The following PRKN variants were observed in gnomAD, a reference collection of about 807,000 sequenced individuals.
PRKN encodes the protein E3 ubiquitin-protein ligase parkin.
A neutral mutation model predicts 59.5 loss-of-function variants in PRKN; 56 were observed. The observed-to-expected ratio is 0.94, with a 90% CI of 0.76 to 1.18. PRKN has a LOEUF of 1.18. Ranked by LOEUF, PRKN falls within the 50% of genes most tolerant of loss-of-function variation. PRKN has a pLI of 0.00. For synonymous variants in PRKN, 250 were observed against 222.1 expected (o/e 1.13, Z -1.12); for missense variants, 657 against 596.4 (o/e 1.10, Z -1.06).
chr6:162,386,369 T>A (rs1247331189), intron 2 of PRKN, among the ~76,000 whole-genome samples: 1 of 152,234 alleles, frequency 6.6e-6, no homozygotes, highest in Non-Finnish European at 1.5e-5. Context: ...AAAATTAAAC[T>A]CATTTTTAAC....
chr6:162,707,354 C>A (rs1778373197), intron 1 of PRKN, among the ~76,000 whole-genome samples: 1 of 152,068 alleles, frequency 6.6e-6, no homozygotes, highest in Admixed American at 6.5e-5. Flanking sequence ...TAAATAATAA[C>A]TGATGATTCC....
intron 1 of PRKN, chr6:162,568,768 C>T (rs1203181040): frequency 1.3e-6 from 1 of 743,260 alleles, no homozygotes; most frequent in African/African-American, 1.7e-5. Flanking sequence ...CAGCCGGACA[C>T]TCTGGTCCAG....
chr6:161,373,106 G>A lies in PRKN; in HGVS notation c.1168-12901C>T, dbSNP rs1420880726. Among the ~76,000 whole-genome samples, 1 of 152,072 alleles carries A rather than the reference G, an allele frequency of 6.6e-6. No individual in the cohort carries two copies. Among genetic ancestry groups the A allele is most frequent in the Admixed American group, 6.6e-5 (1 of 15,256 alleles). ...GCTGCCGGTGTGAACCACCACACTC[G>A]GTAGGGCAGAATTTTTCTCTTCTCT... On this transcript the variant is annotated intron_variant, in intron 10 of 11. Coordinates refer to ENST00000366898, the MANE Select transcript of PRKN (RefSeq NM_004562.3). The surrounding 1 kb of genome is among the most constrained non-coding windows in gnomAD (Gnocchi z 4.8).
At chr6:161,678,568 A>AATTTT (rs562536578) in intron 7 of PRKN, among the ~76,000 whole-genome samples, 2 of 121,444 alleles carry the variant, frequency 1.6e-5, no homozygotes, top group African/African-American at 3.5e-5. Flanking sequence ...TTGGTGCCTG[A>AATTTT]TTTTTTTTTT....
chr6:161,909,577 C>A (rs1218995173), intron 6 of PRKN, among the ~76,000 whole-genome samples: 1 of 152,130 alleles, frequency 6.6e-6, no homozygotes, highest in Non-Finnish European at 1.5e-5. Context: ...AGGAACCGGA[C>A]ATGTATGAAA....
intron 6 of PRKN, among the ~76,000 whole-genome samples, chr6:161,967,245 C>A (rs1415820949): frequency 2.6e-5 from 4 of 151,722 alleles, no homozygotes; most frequent in Non-Finnish European, 4.4e-5. Context: ...TCTTATACAT[C>A]GGCCTACATG....
chr6:161,732,174 C>T (rs992363951), intron 7 of PRKN, among the ~76,000 whole-genome samples: 7 of 151,818 alleles, frequency 4.6e-5, no homozygotes, highest in Non-Finnish European at 7.4e-5. Flanking sequence ...GGAACCTCCG[C>T]CTCCTGGGTT....
intron 9 of PRKN, among the ~76,000 whole-genome samples, chr6:161,537,743 G>C (rs774070382): frequency 1.3e-5 from 2 of 152,262 alleles, no homozygotes; most frequent in South Asian, 2.1e-4. Context: ...GAGCCACTGC[G>C]CCCGGCCTCA....
Position 162,089,564 on chromosome 6 carries a change from A to G in PRKN, c.535-35390T>C, listed in dbSNP as rs149378398. On this transcript the variant is annotated intron_variant, in intron 4 of 11. Transcript: ENST00000366898. ...ATATATCCAAAAGAAAAGAAAATGT[A>G]TGTCCATATAAAAACTCGTACATGA... Among the ~76,000 whole-genome samples the G allele has an allele frequency of 8.9e-4, 135 of 152,284 alleles. No individual in the cohort carries two copies. In the East Asian group the frequency reaches 0.024, roughly 27 times the overall value.
At chr6:162,461,840 GAC>G (rs199751432) in intron 1 of PRKN, among the ~76,000 whole-genome samples, 1 of 150,684 alleles carries the variant, frequency 6.6e-6, no homozygotes, top group Non-Finnish European at 1.5e-5. Flanking sequence ...AAAAAAAAGA[GAC>G]AATGAAGAAG....
At chr6:162,246,256 T>C (rs762543133) in intron 3 of PRKN, among the ~76,000 whole-genome samples, 1 of 151,922 alleles carries the variant, frequency 6.6e-6, no homozygotes, top group Non-Finnish European at 1.5e-5. Flanking sequence ...ACTGTCCTTA[T>C]AGGAAGAGGA....
Position 162,266,298 on chromosome 6 carries a change from T to TTGTGTG in PRKN, c.172-3539_172-3534dup, listed in dbSNP as rs60841593. On this transcript the variant is annotated intron_variant, in intron 2 of 11. Transcript: ENST00000366898. ...AGCTTGGACAGTATATACATATATA[T>TTGTGTG]TGTGTGTGTGTGTGTGTGTGTGTGT... Among the ~76,000 whole-genome samples the TTGTGTG allele has an allele frequency of 7.3e-3, 1,064 of 146,180 alleles. 4 individuals carry two copies. The highest frequency in any genetic ancestry group is 0.011 in the Non-Finnish European group (745 of 66,058).
chr6:162,547,140 G>C (rs1486574081), intron 1 of PRKN, among the ~76,000 whole-genome samples: 2 of 152,118 alleles, frequency 1.3e-5, no homozygotes, highest in East Asian at 3.9e-4. Flanking sequence ...GAACTTTCTG[G>C]TTTAATGAGT....
rs950345454 is a variant in PRKN, at chr6:161,385,181, G to C, written c.1167+1613C>G. ...TTGACCTCATGATCCGCCCACCTCG[G>C]CCTCCCAAAGTGCTGGGATTACAGG... is the stretch of plus-strand genomic sequence containing the variant. On this transcript the variant is annotated intron_variant, in intron 10 of 11. Transcript: ENST00000366898. The surrounding 1 kb of genome is among the most constrained non-coding windows in gnomAD (Gnocchi z 4.9). Among the ~76,000 whole-genome samples, 4 of 150,198 alleles carry C rather than the reference G, an allele frequency of 2.7e-5. No homozygotes were observed. In the East Asian group the frequency reaches 7.7e-4, roughly 29 times the overall value.
intron 2 of PRKN, among the ~76,000 whole-genome samples, chr6:162,339,211 C>T (rs1431238507): frequency 6.7e-6 from 1 of 150,036 alleles, no homozygotes; most frequent in African/African-American, 2.5e-5. Flanking sequence ...AGCGTCTCCG[C>T]CCGGCAGCCA....
intron 4 of PRKN, among the ~76,000 whole-genome samples, chr6:162,096,461 C>G (rs78432651): frequency 6.6e-6 from 1 of 152,126 alleles, no homozygotes; most frequent in South Asian, 2.1e-4. Context: ...AAGGACTAAC[C>G]GTACTATAGC....
chr6:161,665,578 G>A (rs1784697246), intron 7 of PRKN, among the ~76,000 whole-genome samples: 1 of 152,066 alleles, frequency 6.6e-6, no homozygotes, highest in South Asian at 2.1e-4. Flanking sequence ...CTTCTTTACT[G>A]CTTCTTCCTT....
chr6:161,943,316 A>G (rs1779634440), intron 6 of PRKN, among the ~76,000 whole-genome samples: 1 of 152,254 alleles, frequency 6.6e-6, no homozygotes, highest in Non-Finnish European at 1.5e-5. Context: ...CATGTCATTC[A>G]TCAAATGCTA....
Position 162,723,821 on chromosome 6 carries a change from T to C in PRKN, c.7+3841A>G, listed in dbSNP as rs544614716. Among the ~76,000 whole-genome samples, 7 of 152,358 alleles carry C rather than the reference T, an allele frequency of 4.6e-5. No individual in the cohort carries two copies. The South Asian group carries it at 1.4e-3, about 32-fold the overall frequency. Reference sequence around the variant, plus strand: ...GCTTATTTATTGGTAAATATTTTCATAATTAGTGTATCCTATAAAAGACTA... The same window carrying C: ...GCTTATTTATTGGTAAATATTTTCACAATTAGTGTATCCTATAAAAGACTA... On this transcript the variant is annotated intron_variant, in intron 1 of 11. Transcript: ENST00000366898.
Sources: gnomAD v4.1 joint callset for allele counts (sites outside exome capture counted in the v4.1 genomes callset) on GRCh38, gnomAD v4.1.1 for gene constraint, Gnocchi (gnomAD v3.1) non-coding constraint, MANE v1.5 for transcripts, NCBI Gene and HGNC (gene_info 2026-07-23, HGNC 2026-07-21) for gene names.